JMJD1C: variants seen among roughly 807,000 people sequenced by gnomAD.
JMJD1C encodes the protein jumonji domain containing 1C.
JMJD1C carries 31 observed loss-of-function variants against 245.3 expected under a neutral mutation model. The ratio of observed to expected loss-of-function variants is 0.13; its 90% confidence interval spans 0.09 to 0.17. The LOEUF (loss-of-function observed/expected upper bound fraction) is 0.17, where lower values mean the gene tolerates loss of function less well. JMJD1C is among the 10% of genes least tolerant of loss of function. The pLI is 1.00. For missense variants in JMJD1C, 2,691 were observed against 3,000.2 expected, an observed-to-expected ratio of 0.90 and a Z score of 2.41; for synonymous variants, 1,057 against 1,017.4, an observed-to-expected ratio of 1.04 and a Z score of -0.74.
chr10:63,174,460 A>C (rs1055254632), intron 24 of JMJD1C, among the ~76,000 whole-genome samples: 3 of 152,240 alleles, frequency 2.0e-5, no homozygotes, highest in Non-Finnish European at 4.4e-5. Context: ...AATTTACAGC[A>C]TACTCATAAA....
intron 3 of JMJD1C, among the ~76,000 whole-genome samples, chr10:63,253,409 A>C (rs1032312140): frequency 2.0e-5 from 3 of 151,558 alleles, no homozygotes; most frequent in Non-Finnish European, 4.4e-5. Context: ...TTTGAGACGA[A>C]GTCTTGCTCT....
Position 63,193,536 on chromosome 10 carries a change from T to C in JMJD1C, c.5735-64A>G, listed in dbSNP as rs1845090814. The stretch of plus-strand genomic sequence containing the variant: ...TAGTTGTTAATGCTGTAAAATTTTT[T>C]TCTTACAATATTTTGTATTATAATT... On this transcript the variant is annotated intron_variant, in intron 14 of 25. Coordinates refer to ENST00000399262, the MANE Select transcript of JMJD1C (RefSeq NM_032776.3). 6.6e-6 allele frequency: 8 copies of C among 1,218,898 alleles called. No individual in the cohort carries two copies. The South Asian group carries it at 1.3e-4, about 19-fold the overall frequency. 75.5% of individuals were successfully genotyped at this position (1,218,898 alleles called of 1,614,324 possible). A position where few individuals can be genotyped will look rare whatever the true frequency, so the allele number is the denominator to read the frequency against.
chr10:63,514,180 T>C (rs958553003), intron 1 of JMJD1C, among the ~76,000 whole-genome samples: 2 of 152,192 alleles, frequency 1.3e-5, no homozygotes, highest in African/African-American at 4.8e-5. Flanking sequence ...ACATTATTGA[T>C]GGGAATGTAA....
At chr10:63,506,154 C>T (rs1306808251) in intron 1 of JMJD1C, among the ~76,000 whole-genome samples, 1 of 152,144 alleles carries the variant, frequency 6.6e-6, no homozygotes, top group Non-Finnish European at 1.5e-5. Context: ...AGTCTTCCTC[C>T]TCTACTCATT....
At chr10:63,277,992 C>G (rs182023357) in intron 2 of JMJD1C, among the ~76,000 whole-genome samples, 122 of 152,014 alleles carry the variant, frequency 8.0e-4, no homozygotes, top group African/African-American at 2.8e-3. Flanking sequence ...CTCGACCTCC[C>G]AAAGTGCTGG....
At chr10:63,427,302 G>GA (rs1251251821) in intron 1 of JMJD1C, 10 of 852,006 alleles carry the variant, frequency 1.2e-5, no homozygotes, top group African/African-American at 3.4e-5. Flanking sequence ...GGACGATGGT[G>GA]AAGTATTTCC....
At chr10:63,426,371 C>A (rs1208675189) in intron 1 of JMJD1C, among the ~76,000 whole-genome samples, 1 of 151,976 alleles carries the variant, frequency 6.6e-6, no homozygotes, top group South Asian at 2.1e-4. Flanking sequence ...AAAAAAAATT[C>A]TTAAACGTAA....
intron 2 of JMJD1C, among the ~76,000 whole-genome samples, chr10:63,333,973 T>C (rs1255812405): frequency 2.0e-5 from 3 of 152,048 alleles, no homozygotes; most frequent in African/African-American, 4.8e-5. Context: ...AAAAAAATAA[T>C]GTATTAGAAT....
chr10:63,206,578 C>G lies in JMJD1C; in HGVS notation c.5074+17G>C. ...TCAGCCCATTTTACCTGAGATAAAACAAAGTAACTGACTTACTATTACTGT... is the reference window on the plus strand; with the variant it reads ...TCAGCCCATTTTACCTGAGATAAAAGAAAGTAACTGACTTACTATTACTGT... On this transcript the variant is annotated intron_variant, in intron 10 of 25. Coordinates refer to ENST00000399262, the MANE Select transcript of JMJD1C (RefSeq NM_032776.3). 2 of 1,548,814 alleles carry G rather than the reference C, an allele frequency of 1.3e-6. No individual in the cohort carries two copies. The highest frequency in any genetic ancestry group is 2.8e-5 in the African/African-American group (2 of 72,304).
At chr10:63,428,554 T>C (rs1402314626) in intron 1 of JMJD1C, among the ~76,000 whole-genome samples, 1 of 152,176 alleles carries the variant, frequency 6.6e-6, no homozygotes, top group Non-Finnish European at 1.5e-5. Context: ...GGCTTTGGAA[T>C]AGATGAGAAA....
In JMJD1C at chr10:63,486,137, T is replaced by TAAAAA. The variant is rs1166721473; in HGVS notation, n.113+35596_113+35600dup. Among the ~76,000 whole-genome samples, 53 of 73,270 alleles carry TAAAAA rather than the reference T, an allele frequency of 7.2e-4. 4 individuals carry two copies. Among genetic ancestry groups the TAAAAA allele is most frequent in the African/African-American group, 3.2e-3 (39 of 12,318 alleles). The allele number at this position is 73,270 out of a possible 152,430, so 48.1% of individuals were successfully genotyped here. ...GAAAGTAAAGGGCTTCAAGCAATTG[T>TAAAAA]AAAAAAAAAAAAAAAAAAAAAAAAA... On this transcript the variant is annotated intron_variant and non_coding_transcript_variant, in intron 1 of 3. Coordinates refer to the JMJD1C transcript ENST00000633035.
intron 2 of JMJD1C, among the ~76,000 whole-genome samples, chr10:63,308,631 AGCTT>A: frequency 1.3e-5 from 2 of 151,462 alleles, no homozygotes; most frequent in African/African-American, 2.4e-5. Context: ...AACAGTTGGA[AGCTT>A]AAAAGGAAAC....
At chr10:63,435,353 A>T (rs1951002237) in intron 1 of JMJD1C, among the ~76,000 whole-genome samples, 1 of 152,296 alleles carries the variant, frequency 6.6e-6, no homozygotes, top group Admixed American at 6.5e-5. Flanking sequence ...TAACAGGCTG[A>T]ATAATTGAAA....
chr10:63,226,918 T>A (rs1038866562), intron 3 of JMJD1C, among the ~76,000 whole-genome samples: 3 of 150,664 alleles, frequency 2.0e-5, no homozygotes, highest in African/African-American at 7.3e-5. Context: ...ACAAAAAAAA[T>A]GTATTTAGGT....
intron 2 of JMJD1C, among the ~76,000 whole-genome samples, chr10:63,276,188 C>T (rs983710977): frequency 2.6e-5 from 4 of 152,056 alleles, no homozygotes; most frequent in African/African-American, 7.2e-5. Context: ...CAGTTGAGGC[C>T]GGGCACGGTG....
rs567850938 is a variant in JMJD1C at position 63,308,997 on chromosome 10, C to T, written c.334-44233G>A. Among the ~76,000 whole-genome samples, 9 of 152,206 alleles carry T rather than the reference C, an allele frequency of 5.9e-5. No individual in the cohort carries two copies. In the South Asian group the frequency reaches 1.9e-3, roughly 32 times the overall value. ...ATCAGAAAACAGAATGGCAGAATGGCAGGCTTGGATACTTTTACAATGGTC... is the reference window on the plus strand; with the variant it reads ...ATCAGAAAACAGAATGGCAGAATGGTAGGCTTGGATACTTTTACAATGGTC... On this transcript the variant is annotated intron_variant, in intron 2 of 25. Transcript: ENST00000399262.
chr10:63,437,247 C>T (rs7918358), intron 1 of JMJD1C, among the ~76,000 whole-genome samples: 150,046 of 152,302 alleles, frequency 0.99, 73,946 homozygotes, highest in Middle Eastern at 1. Context: ...CAAGTCAGTC[C>T]TTGCTGTACA....
intron 2 of JMJD1C, among the ~76,000 whole-genome samples, chr10:63,286,810 C>G (rs574746780): frequency 6.6e-6 from 1 of 152,168 alleles, no homozygotes; most frequent in Non-Finnish European, 1.5e-5. Flanking sequence ...GCTGCCTCCC[C>G]AGAATACACA....
chr10:63,204,915 T>C (rs1473865970), intron 10 of JMJD1C: 4 of 985,298 alleles, frequency 4.1e-6, no homozygotes, highest in Non-Finnish European at 4.8e-6. Context: ...CCTTCAAGCA[T>C]CCAAGTGCTT....
Sources: allele counts gnomAD v4.1 joint callset (sites outside exome capture counted in the v4.1 genomes callset), GRCh38; gene constraint gnomAD v4.1.1; transcripts MANE v1.5; gene names NCBI Gene and HGNC (gene_info 2026-07-23, HGNC 2026-07-21).